Variants in GALR1 observed in about 807,000 individuals in gnomAD.
GALR1 encodes galanin receptor 1, also known as galanin receptor type 1.
A neutral mutation model predicts 17.9 loss-of-function variants in GALR1; 11 were observed. That is an observed-to-expected ratio of 0.62 (90% CI 0.39 to 1.02). The LOEUF is 1.02. GALR1 is among the 50% of genes least tolerant of loss of function. GALR1 has a pLI of 0.01. For synonymous variants in GALR1, 206 were observed against 205.7 expected, an observed-to-expected ratio of 1.00 and a Z score of -0.01; for missense variants, 441 against 456.9, an observed-to-expected ratio of 0.97 and a Z score of 0.32.
rs71174629 is a variant in GALR1, at chr18:77,273,650, T to TA, written c.*4760dup. 2,045 of 142,966 alleles carry TA rather than the reference T, an allele frequency of 0.014. 45 individuals carry two copies. The highest frequency in any genetic ancestry group is 0.05 in the African/African-American group (1,941 of 38,986). 8.9% of individuals were successfully genotyped at this position (142,966 alleles called of 1,614,324 possible). A position where few individuals can be genotyped will look rare whatever the true frequency, so the allele number is the denominator to read the frequency against. Reference sequence around the variant, plus strand: ...AACTCTGTCTCAAAAAAATAAAAATTAAAAAAAAAAAAGAAGGTGGCCAGT... The same window carrying TA: ...AACTCTGTCTCAAAAAAATAAAAATTAAAAAAAAAAAAAGAAGGTGGCCAGT... On this transcript the variant is annotated 3_prime_UTR_variant, in exon 3 of 3. Coordinates refer to ENST00000299727, the MANE Select transcript of GALR1 (RefSeq NM_001480.4).
intron 1 of GALR1, among the ~76,000 whole-genome samples, chr18:77,251,688 C>T (rs1472231133): frequency 6.6e-6 from 1 of 152,090 alleles, no homozygotes; most frequent in Non-Finnish European, 1.5e-5. Context: ...GTCACCAGAG[C>T]GCGGACCTTT....
chr18:77,259,392 G>C (rs1172132325), intron 2 of GALR1, among the ~76,000 whole-genome samples: 1 of 143,676 alleles, frequency 7.0e-6, no homozygotes, highest in Non-Finnish European at 1.6e-5. Context: ...TGTTGGTGTT[G>C]GTGGTGGTCA....
intron 2 of GALR1, among the ~76,000 whole-genome samples, chr18:77,258,704 GTGATGGTGGTGCTGGTGA>G (rs1912678431): frequency 9.0e-5 from 1 of 11,158 alleles, no homozygotes; most frequent in African/African-American, 1.9e-4. Context: ...TGGTGGTCAT[GTGATGGTGGTGCTGGTGA>G]TGGTGGTGAT....
chr18:77,256,479 A>T (rs975031286), intron 2 of GALR1, among the ~76,000 whole-genome samples: 1 of 128,166 alleles, frequency 7.8e-6, no homozygotes, highest in African/African-American at 2.8e-5. Context: ...GATTCTGCTG[A>T]TTGTGCGCCT....
Position 77,271,246 on chromosome 18 carries a change from A to ACCCCCCC in GALR1, c.*2351_*2357dup, listed in dbSNP as rs35556274. On this transcript the variant is annotated 3_prime_UTR_variant, in exon 3 of 3. Coordinates refer to ENST00000299727, the MANE Select transcript of GALR1 (RefSeq NM_001480.4). ...CAAAAAGTAATAGCTTGCGCTTGAA[A>ACCCCCCC]CCCCCCCCCCCCCGCCACTTTGCTA... The ACCCCCCC allele has an allele frequency of 1.1e-3, 88 of 77,972 alleles. 1 individual carries two copies. The highest frequency in any genetic ancestry group is 1.5e-3 in the Non-Finnish European group (53 of 35,082). 4.8% of individuals were successfully genotyped at this position (77,972 alleles called of 1,614,324 possible).
chr18:77,259,752 G>A (rs1350370776), intron 2 of GALR1, among the ~76,000 whole-genome samples: 1 of 151,916 alleles, frequency 6.6e-6, no homozygotes, highest in Non-Finnish European at 1.5e-5. Context: ...AGAAAGAGAT[G>A]GGAGAGAGGA....
At chr18:77,267,345 GC>G (rs1912965378) in intron 2 of GALR1, among the ~76,000 whole-genome samples, 1 of 152,212 alleles carries the variant, frequency 6.6e-6, no homozygotes. Flanking sequence ...TGTCGGCCTG[GC>G]TGCCAGCCCC....
At position 77,270,720 on chromosome 18, in the gene GALR1, T is replaced by C. The variant is rs1913046366; in HGVS notation, c.*1818T>C. On this transcript the variant is annotated 3_prime_UTR_variant, in exon 3 of 3. Coordinates refer to ENST00000299727, the MANE Select transcript of GALR1 (RefSeq NM_001480.4). The stretch of plus-strand genomic sequence containing the variant: ...TGACTAGTGTTTACATTTGCAATGT[T>C]ATTAATAACTCTCTGGATAAAAGGA... The C allele has an allele frequency of 6.6e-6, 1 of 152,204 alleles. No homozygotes were observed. Among genetic ancestry groups the C allele is most frequent in the Non-Finnish European group, 1.5e-5 (1 of 68,044 alleles). The allele number at this position is 152,204 out of a possible 1,614,324, so 9.4% of individuals were successfully genotyped here.
Position 77,254,764 on chromosome 18 carries a change from T to C in GALR1, c.667-1394T>C, listed in dbSNP as rs142712530. Among the ~76,000 whole-genome samples, 105 of 152,368 alleles carry C rather than the reference T, an allele frequency of 6.9e-4. 1 individual carries two copies. In the South Asian group the frequency reaches 0.021, roughly 30 times the overall value. ...CAGGTTTTGATACTCCCATTTCGGC[T>C]GGTAGAACAGTAAACTAACACCTTG... On this transcript the variant is annotated intron_variant, in intron 1 of 2. Coordinates refer to ENST00000299727, the MANE Select transcript of GALR1 (RefSeq NM_001480.4).
In GALR1 at chr18:77,268,810, T is replaced by G. The variant is rs1293238477; in HGVS notation, c.958T>G (p.Cys320Gly). 1.2e-6 allele frequency: 2 copies of G among 1,613,790 alleles called. No homozygotes were observed. Among genetic ancestry groups the G allele is most frequent in the Non-Finnish European group, 1.7e-6 (2 of 1,179,816 alleles). ...FRKAYKQVFKCHIRKDSHLSD... is the reference protein window; with the variant it reads ...FRKAYKQVFKGHIRKDSHLSD... Reference sequence around the variant, plus strand: ...GAAGGCCTATAAACAAGTGTTCAAGTGTCACATTCGCAAAGATTCACACCT... The same window carrying G: ...GAAGGCCTATAAACAAGTGTTCAAGGGTCACATTCGCAAAGATTCACACCT... The change falls in exon 3 of 3, where the codon TGT becomes GGT. Residue 320 changes from cysteine to glycine, a missense_variant. Transcript: ENST00000299727.
intron 2 of GALR1, among the ~76,000 whole-genome samples, chr18:77,256,965 A>G (rs1912605605): frequency 6.6e-6 from 1 of 152,222 alleles, no homozygotes; most frequent in South Asian, 2.1e-4. Context: ...AAGTAGAATG[A>G]GATTATTAGG....
At position 77,250,953 on chromosome 18, in the gene GALR1, G is replaced by A; in HGVS notation, c.405G>A (p.Val135=). The A allele has an allele frequency of 6.2e-7, 1 of 1,604,300 alleles. No homozygotes were observed. The highest frequency in any genetic ancestry group is 8.5e-7 in the Non-Finnish European group (1 of 1,179,954). ...CCGCGATGTCCGTGGACCGCTACGT[G>A]GCCATCGTGCACTCGCGGCGCTCCT... ...TLAAMSVDRY[V]AIVHSRRSSS... The change falls in exon 1 of 3, where the codon GTG becomes GTA. Residue 135 remains valine (V), a synonymous_variant. Coordinates refer to ENST00000299727, the MANE Select transcript of GALR1 (RefSeq NM_001480.4).
chr18:77,259,654 A>G (rs1385470953), intron 2 of GALR1, among the ~76,000 whole-genome samples: 1 of 131,030 alleles, frequency 7.6e-6, no homozygotes, highest in African/African-American at 2.9e-5. Flanking sequence ...CAGTGGTGGC[A>G]GTGGTGGTGG....
intron 1 of GALR1, among the ~76,000 whole-genome samples, chr18:77,252,869 C>CCACCACCAT: frequency 1.0e-5 from 1 of 98,552 alleles, no homozygotes; most frequent in African/African-American, 4.0e-5. Context: ...ACCACCACCA[C>CCACCACCAT]CACCACCACC....
chr18:77,261,189 G>T (rs1489474902), intron 2 of GALR1, among the ~76,000 whole-genome samples: 2 of 152,166 alleles, frequency 1.3e-5, no homozygotes, highest in Non-Finnish European at 2.9e-5. Context: ...GGAGCACAAA[G>T]AAACCATGCT....
chr18:77,273,680 G>T lies in GALR1; in HGVS notation c.*4778G>T, dbSNP rs1913104128. On this transcript the variant is annotated 3_prime_UTR_variant, in exon 3 of 3. Coordinates refer to ENST00000299727, the MANE Select transcript of GALR1 (RefSeq NM_001480.4). ...AAAAAAAAGAAGGTGGCCAGTGAGG[G>T]TTTTATCTTTGTATTCACTGGAAAT... 1 of 151,934 alleles carries T rather than the reference G, an allele frequency of 6.6e-6. No individual in the cohort carries two copies. The highest frequency in any genetic ancestry group is 2.1e-4 in the South Asian group (1 of 4,810). The allele number at this position is 151,934 out of a possible 1,614,324, so 9.4% of individuals were successfully genotyped here.
chr18:77,253,025 TCACCACCATCACCAC>T (rs1568139283), intron 1 of GALR1, among the ~76,000 whole-genome samples: 420 of 40,518 alleles, frequency 0.01, 7 homozygotes, highest in African/African-American at 0.031. Flanking sequence ...ACCACCACCA[TCACCACCATCACCAC>T]CACCACCACC....
intron 1 of GALR1, among the ~76,000 whole-genome samples, chr18:77,251,961 T>A (rs1188673642): frequency 1.3e-5 from 2 of 152,246 alleles, no homozygotes; most frequent in Non-Finnish European, 2.9e-5. Context: ...GAACTTGGAA[T>A]GGAATGGACT....
chr18:77,262,261 A>G (rs1912848343), intron 2 of GALR1, among the ~76,000 whole-genome samples: 1 of 152,068 alleles, frequency 6.6e-6, no homozygotes, highest in Admixed American at 6.6e-5. Flanking sequence ...GGATGGGCAT[A>G]CTAACCTACT....
Sources: allele counts gnomAD v4.1 joint callset (sites outside exome capture counted in the v4.1 genomes callset), GRCh38; gene constraint gnomAD v4.1.1; transcripts MANE v1.5; gene names NCBI Gene and HGNC (gene_info 2026-07-23, HGNC 2026-07-21).